The following TENM1 variants were observed in gnomAD, a reference collection of about 807,000 sequenced individuals.
TENM1 encodes the protein teneurin transmembrane protein 1, also known as teneurin-1.
TENM1 carries 35 observed loss-of-function variants against 174.8 expected under a neutral mutation model. The observed-to-expected ratio is 0.20, with a 90% CI of 0.15 to 0.27. TENM1 has a LOEUF of 0.27. Among genes scored for constraint, TENM1 ranks in the 10% least tolerant of loss-of-function variants. The probability of loss-of-function intolerance (pLI) is 1.00; values close to 1 mark genes in which losing one functional copy is unlikely to be tolerated. For missense variants in TENM1, 1,633 were observed against 2,130.1 expected (o/e 0.77, Z 4.59); for synonymous variants, 781 against 798.7 (o/e 0.98, Z 0.37).
At chrX:124,929,105 C>T (rs2058132830) in intron 1 of TENM1, among the ~76,000 whole-genome samples, 1 of 111,279 alleles carries the variant, frequency 9.0e-6, no homozygotes, top group Non-Finnish European at 1.9e-5. Flanking sequence ...GATTTCCTTC[C>T]TTTTCTCACT....
chrX:124,736,711 C>T (rs1208426145), intron 4 of TENM1, among the ~76,000 whole-genome samples: 4 of 111,819 alleles, frequency 3.6e-5, no homozygotes, highest in Non-Finnish European at 5.6e-5. Flanking sequence ...GTTTATGTAT[C>T]TGCGGCTTCA....
intron 1 of TENM1, among the ~76,000 whole-genome samples, chrX:124,944,600 G>A (rs1206909698): frequency 9.1e-6 from 1 of 110,063 alleles, no homozygotes; most frequent in African/African-American, 3.3e-5. Flanking sequence ...TTAGTATTTT[G>A]TTGGTTTGCT....
Position 124,415,446 on chromosome X carries a change from T to C in TENM1, c.4982+4865A>G, listed in dbSNP as rs763684386. On this transcript the variant is annotated intron_variant, in intron 25 of 31. Coordinates refer to ENST00000422452, the Ensembl canonical transcript of TENM1. ...CTTTTCATCTCCTGGTGCTACCTATTCCTCTTTTACTGCTACTTGAGGGGA... is the reference window on the plus strand; with the variant it reads ...CTTTTCATCTCCTGGTGCTACCTATCCCTCTTTTACTGCTACTTGAGGGGA... Among the ~76,000 whole-genome samples, 159 of 111,500 alleles carry C rather than the reference T, an allele frequency of 1.4e-3. 1 individual carries two copies. Among genetic ancestry groups the C allele is most frequent in the African/African-American group, 5.1e-3 (157 of 30,654 alleles).
At chrX:124,815,756 C>A (rs1410095161) in intron 3 of TENM1, among the ~76,000 whole-genome samples, 3 of 110,480 alleles carry the variant, frequency 2.7e-5, no homozygotes, top group Admixed American at 9.6e-5. Flanking sequence ...TAAAACATTG[C>A]GAATGGTTCA....
At chrX:125,158,408 A>G in the TENM1 span, among the ~76,000 whole-genome samples, 1 of 105,758 alleles carries the variant, frequency 9.5e-6, no homozygotes, top group African/African-American at 3.4e-5. Flanking sequence ...TCTCAAAAAA[A>G]AAAAAAAAAA....
At chrX:124,673,492 A>G (rs2051976294) in intron 5 of TENM1, among the ~76,000 whole-genome samples, 2 of 111,930 alleles carry the variant, frequency 1.8e-5, no homozygotes, top group Non-Finnish European at 3.8e-5. Flanking sequence ...CCTTTGCAGA[A>G]AGATAAATCC....
chrX:124,877,318 T>C (rs186924153), intron 3 of TENM1, among the ~76,000 whole-genome samples: 1 of 112,464 alleles, frequency 8.9e-6, no homozygotes, highest in East Asian at 2.8e-4. Flanking sequence ...ATTTTTTGGC[T>C]GCAGTTGGTA....
intron 22 of TENM1, among the ~76,000 whole-genome samples, chrX:124,463,833 T>TGG (rs1260459684): frequency 4.5e-4 from 34 of 76,365 alleles, no homozygotes; most frequent in African/African-American, 1.2e-3. Context: ...TTATAGAGGT[T>TGG]GGGGTGTGTG....
chrX:124,756,932 G>A (rs1462304254), intron 3 of TENM1, among the ~76,000 whole-genome samples: 7 of 111,924 alleles, frequency 6.3e-5, no homozygotes, highest in Non-Finnish European at 1.1e-4. Flanking sequence ...GGCTGCTCGG[G>A]GGTCAGGGGT....
At chrX:124,939,813 A>G (rs7060947) in intron 1 of TENM1, among the ~76,000 whole-genome samples, 4,394 of 111,984 alleles carry the variant, frequency 0.039, 205 homozygotes, top group African/African-American at 0.13. Context: ...TATTCTTGTG[A>G]TCCAGGTGTC....
chrX:124,822,186 G>A (rs1415155389), intron 3 of TENM1, among the ~76,000 whole-genome samples: 1 of 111,625 alleles, frequency 9.0e-6, no homozygotes, highest in East Asian at 2.8e-4. Flanking sequence ...GCTAGAATTA[G>A]GATGTGGTAG....
the TENM1 span, among the ~76,000 whole-genome samples, chrX:125,182,540 T>C: frequency 3.6e-5 from 4 of 109,875 alleles, no homozygotes; most frequent in African/African-American, 9.9e-5. Flanking sequence ...ATCATTGCCT[T>C]ACTCAGTAGG....
In TENM1 at chrX:124,453,324, C is replaced by A; in HGVS notation, c.4104+13G>T. 2 of 1,189,275 alleles carry A rather than the reference C, an allele frequency of 1.7e-6. No individual in the cohort carries two copies. The highest frequency in any genetic ancestry group is 2.3e-6 in the Non-Finnish European group (2 of 885,410). ...CCAAATGACAATAATACTTGAAAAC[C>A]AGTGATGCCTACCTGAGTGATGTCC... On this transcript the variant is annotated intron_variant, in intron 23 of 31. Transcript: ENST00000422452.
chrX:124,420,470 A>G, exon 25 of TENM1: 1 of 1,212,121 alleles, frequency 8.3e-7, no homozygotes, highest in Non-Finnish European at 1.1e-6. Context: ...GCCAGGCACC[A>G]CAAGCCATAG....
At chrX:124,713,814 T>G (rs1183889257) in intron 4 of TENM1, among the ~76,000 whole-genome samples, 1 of 111,981 alleles carries the variant, frequency 8.9e-6, no homozygotes, top group Non-Finnish European at 1.9e-5. Flanking sequence ...AAAGGTTGGG[T>G]AGTCTAAGGT....
the TENM1 span, among the ~76,000 whole-genome samples, chrX:125,105,225 T>C: frequency 1.8e-5 from 2 of 111,695 alleles, no homozygotes; most frequent in South Asian, 3.8e-4. Context: ...CAGAGTTCCA[T>C]AGGCATTTTT....
At chrX:124,723,310 T>C (rs182137971) in intron 4 of TENM1, among the ~76,000 whole-genome samples, 1 of 112,091 alleles carries the variant, frequency 8.9e-6, no homozygotes, top group African/African-American at 3.2e-5. Context: ...ATCCATAGTT[T>C]ATTTGATTCC....
chrX:124,492,224 C>T (rs2047082977), intron 20 of TENM1, among the ~76,000 whole-genome samples: 1 of 111,504 alleles, frequency 9.0e-6, no homozygotes, highest in African/African-American at 3.2e-5. Context: ...TCCAAGGAAA[C>T]AGATGACTCA....
At chrX:124,586,857 C>T (rs750909466) in intron 11 of TENM1, among the ~76,000 whole-genome samples, 1 of 106,748 alleles carries the variant, frequency 9.4e-6, no homozygotes, top group Admixed American at 1.0e-4. Flanking sequence ...ATACAAAATC[C>T]ATGTACAAAA....
Sources: allele counts gnomAD v4.1 joint callset (sites outside exome capture counted in the v4.1 genomes callset), GRCh38; gene constraint gnomAD v4.1.1; transcripts MANE v1.5; gene names NCBI Gene and HGNC (gene_info 2026-07-23, HGNC 2026-07-21).